MATCAP2: variants seen among roughly 807,000 people sequenced by gnomAD.
The protein encoded by MATCAP2 is microtubule associated tyrosine carboxypeptidase 2.
At chr7:36,330,410 A>T in the MATCAP2 span, among the ~76,000 whole-genome samples, 3 of 151,760 alleles carry the variant, frequency 2.0e-5, no homozygotes, top group Non-Finnish European at 4.4e-5. Flanking sequence ...GAGTCTTAAC[A>T]ATGTCATGAA....
the MATCAP2 span, among the ~76,000 whole-genome samples, chr7:36,349,987 C>T: frequency 6.6e-6 from 1 of 152,290 alleles, no homozygotes; most frequent in East Asian, 1.9e-4. Context: ...ATTCTAAAAA[C>T]CTTATAACTT....
the MATCAP2 span, among the ~76,000 whole-genome samples, chr7:36,352,464 ACT>A: frequency 6.6e-6 from 1 of 150,888 alleles, no homozygotes; most frequent in African/African-American, 2.4e-5. Flanking sequence ...CTGCAACTAT[ACT>A]GTTTCACTCA....
chr7:36,367,068 AC>A, the MATCAP2 span: 1 of 1,274,404 alleles, frequency 7.8e-7, no homozygotes, highest in Non-Finnish European at 9.8e-7. Context: ...GCTCTCCGCT[AC>A]CTGGAGCAGG....
chr7:36,343,629 GAAAAGA>G, the MATCAP2 span, among the ~76,000 whole-genome samples: 6 of 59,464 alleles, frequency 1.0e-4, no homozygotes, highest in South Asian at 1.1e-3. Context: ...GGAAGGAAAA[GAAAAGA>G]AAAAGAAAAA....
chr7:36,333,260 A>C, the MATCAP2 span, among the ~76,000 whole-genome samples: 2 of 151,982 alleles, frequency 1.3e-5, no homozygotes, highest in Non-Finnish European at 2.9e-5. Flanking sequence ...AGCCCACCAC[A>C]AAAAATCACA....
At chr7:36,356,979 G>A in the MATCAP2 span, 2 of 1,614,090 alleles carry the variant, frequency 1.2e-6, no homozygotes, top group East Asian at 2.2e-5. Context: ...TACTCAAACT[G>A]AGGATTGTAG....
At chr7:36,336,465 C>T in the MATCAP2 span, among the ~76,000 whole-genome samples, 4 of 152,206 alleles carry the variant, frequency 2.6e-5, no homozygotes, top group South Asian at 2.1e-4. Flanking sequence ...CACTCATTTT[C>T]GCAAATTTGT....
chr7:36,354,535 G>A, the MATCAP2 span, among the ~76,000 whole-genome samples: 2 of 152,328 alleles, frequency 1.3e-5, no homozygotes, highest in East Asian at 3.9e-4. Context: ...GGGCTAGTTG[G>A]CCATCCTGGC....
chr7:36,378,325 A>C, the MATCAP2 span, among the ~76,000 whole-genome samples: 2 of 152,214 alleles, frequency 1.3e-5, no homozygotes, highest in African/African-American at 4.8e-5. Flanking sequence ...TCCTTCTAAC[A>C]GTCAGGCCCC....
chr7:36,366,703 C>A, the MATCAP2 span: 3 of 1,535,142 alleles, frequency 2.0e-6, no homozygotes, highest in Non-Finnish European at 2.6e-6. Flanking sequence ...CAGGTACTTA[C>A]TGATAATAAG....
At chr7:36,378,116 A>G in the MATCAP2 span, among the ~76,000 whole-genome samples, 164 of 152,320 alleles carry the variant, frequency 1.1e-3, 1 homozygote, top group African/African-American at 3.6e-3. Flanking sequence ...AACTCGTCAA[A>G]GTCATTCTCT....
chr7:36,343,322 C>A, the MATCAP2 span, among the ~76,000 whole-genome samples: 196 of 129,398 alleles, frequency 1.5e-3, no homozygotes, highest in Non-Finnish European at 2.6e-3. Context: ...TATAATGAGA[C>A]CCTGTAGGAG....
the MATCAP2 span, among the ~76,000 whole-genome samples, chr7:36,341,119 A>G: frequency 6.6e-6 from 1 of 152,282 alleles, no homozygotes; most frequent in East Asian, 1.9e-4. Context: ...AAAGGGAGAA[A>G]AAAGGTAGTT....
At chr7:36,352,493 T>C in the MATCAP2 span, among the ~76,000 whole-genome samples, 3 of 150,616 alleles carry the variant, frequency 2.0e-5, no homozygotes, top group Non-Finnish European at 4.4e-5. Context: ...TGTCTTTTTA[T>C]AATAAATCAA....
chr7:36,376,949 C>T, the MATCAP2 span, among the ~76,000 whole-genome samples: 1 of 150,414 alleles, frequency 6.6e-6, no homozygotes, highest in Non-Finnish European at 1.5e-5. Flanking sequence ...TTTATTTTTG[C>T]CTTGGTAGAT....
the MATCAP2 span, among the ~76,000 whole-genome samples, chr7:36,388,610 T>C: frequency 1.6e-4 from 24 of 152,340 alleles, no homozygotes; most frequent in African/African-American, 4.3e-4. Flanking sequence ...AGACTTGTTA[T>C]AGAAGAAATG....
At chr7:36,347,195 T>C in the MATCAP2 span, among the ~76,000 whole-genome samples, 3 of 152,212 alleles carry the variant, frequency 2.0e-5, no homozygotes, top group African/African-American at 7.2e-5. Context: ...TAATTTAACA[T>C]TGAAATCACT....
chr7:36,365,359 C>T, the MATCAP2 span, among the ~76,000 whole-genome samples: 1 of 152,054 alleles, frequency 6.6e-6, no homozygotes, highest in Non-Finnish European at 1.5e-5. Flanking sequence ...ATTATGGGGG[C>T]GGGGCAGAGA....
At chr7:36,331,967 T>C in the MATCAP2 span, among the ~76,000 whole-genome samples, 45 of 152,176 alleles carry the variant, frequency 3.0e-4, no homozygotes, top group Non-Finnish European at 5.1e-4. Context: ...GATGTTGGAA[T>C]TGGCTTTAAA....
Sources: allele counts gnomAD v4.1 joint callset (sites outside exome capture counted in the v4.1 genomes callset), GRCh38; gene constraint gnomAD v4.1.1; transcripts MANE v1.5; gene names NCBI Gene and HGNC (gene_info 2026-07-23, HGNC 2026-07-21).